TMEM267: variants seen among roughly 807,000 people sequenced by gnomAD.
TMEM267 encodes transmembrane protein C5orf28.
Under a neutral mutation model 19.3 loss-of-function variants are expected in TMEM267, and 20 were observed. The observed-to-expected ratio is 1.04, with a 90% CI of 0.73 to 1.51. The LOEUF (loss-of-function observed/expected upper bound fraction) is 1.51. TMEM267 is among the 40% of genes most tolerant of loss of function. The probability of loss-of-function intolerance (pLI) is 0.00; values close to 1 mark genes in which losing one functional copy is unlikely to be tolerated. For missense variants in TMEM267, 242 were observed against 261.9 expected (o/e 0.92, Z 0.52); for synonymous variants, 88 against 90.3 (o/e 0.97, Z 0.15).
chr5:43,464,362 T>G (rs893119692), intron 1 of TMEM267, among the ~76,000 whole-genome samples: 55 of 152,160 alleles, frequency 3.6e-4, no homozygotes, highest in Admixed American at 2.2e-3. Flanking sequence ...ATCAATATCG[T>G]GAAAATGGCC....
chr5:43,472,374 CA>C (rs747524330), intron 1 of TMEM267, among the ~76,000 whole-genome samples: 3 of 152,002 alleles, frequency 2.0e-5, no homozygotes, highest in African/African-American at 4.8e-5. Context: ...CTATGGAGAA[CA>C]ATTTGAACGT....
chr5:43,467,616 C>A (rs975706759), intron 1 of TMEM267, among the ~76,000 whole-genome samples: 3 of 152,134 alleles, frequency 2.0e-5, no homozygotes, highest in African/African-American at 7.2e-5. Flanking sequence ...GAGAGATAGG[C>A]CCCAATATAA....
At chr5:43,480,363 G>A (rs185325444) in intron 1 of TMEM267, among the ~76,000 whole-genome samples, 2 of 152,222 alleles carry the variant, frequency 1.3e-5, no homozygotes, top group Admixed American at 1.3e-4. Flanking sequence ...GCCCAGGCTG[G>A]AGTGCAGTGG....
intron 1 of TMEM267, among the ~76,000 whole-genome samples, chr5:43,465,712 C>A (rs1473184427): frequency 6.6e-6 from 1 of 152,014 alleles, no homozygotes; most frequent in Non-Finnish European, 1.5e-5. Flanking sequence ...GGACAAAAAA[C>A]CAAACACTGC....
chr5:43,474,817 G>A (rs1744316952), intron 1 of TMEM267, among the ~76,000 whole-genome samples: 2 of 151,254 alleles, frequency 1.3e-5, no homozygotes, highest in South Asian at 2.1e-4. Context: ...TTAGAGATAT[G>A]CAAATCAAAA....
intron 2 of TMEM267, among the ~76,000 whole-genome samples, 191 bp from the exon 3 acceptor site, chr5:43,446,748 T>C (rs1042440487): frequency 9.2e-5 from 14 of 152,084 alleles, no homozygotes; most frequent in African/African-American, 3.4e-4. Context: ...GAGCAGGATA[T>C]CCTTTACATT....
intron 2 of TMEM267, among the ~76,000 whole-genome samples, chr5:43,449,669 C>G (rs1016035477): frequency 5.3e-5 from 8 of 152,140 alleles, no homozygotes; most frequent in Admixed American, 5.2e-4. Flanking sequence ...AACAAAAGCA[C>G]TTTTATGTAC....
intron 1 of TMEM267, among the ~76,000 whole-genome samples, chr5:43,465,050 C>T (rs1743560885): frequency 6.6e-6 from 1 of 152,174 alleles, no homozygotes; most frequent in Admixed American, 6.5e-5. Flanking sequence ...TTTTTGCAAT[C>T]TACTCATCTG....
chr5:43,469,376 A>G (rs1266523201), intron 1 of TMEM267, among the ~76,000 whole-genome samples: 2 of 152,178 alleles, frequency 1.3e-5, no homozygotes, highest in African/African-American at 4.8e-5. Flanking sequence ...ATACTAGCAA[A>G]CTGAATTCAC....
Position 43,455,492 on chromosome 5 carries a change from C to T in TMEM267, c.-74-1449G>A, listed in dbSNP as rs1579793979. Among the ~76,000 whole-genome samples the T allele has an allele frequency of 2.0e-5, 3 of 151,462 alleles. No homozygotes were observed. In the East Asian group the frequency reaches 5.8e-4, roughly 29 times the overall value. On this transcript the variant is annotated intron_variant, in intron 1 of 2. Coordinates refer to ENST00000397080, the MANE Select transcript of TMEM267 (RefSeq NM_022483.5). ...ATGACAGACATACAGACTAACAAAA[C>T]AGAATACAGAGTGGGATCAGAAATA...
chr5:43,469,643 T>C (rs999343686), intron 1 of TMEM267, among the ~76,000 whole-genome samples: 1 of 152,182 alleles, frequency 6.6e-6, no homozygotes, highest in Non-Finnish European at 1.5e-5. Context: ...GACAGATCCA[T>C]AGCTAGTATC....
chr5:43,473,975 T>C (rs752355095), intron 1 of TMEM267, among the ~76,000 whole-genome samples: 1 of 152,082 alleles, frequency 6.6e-6, no homozygotes, highest in Non-Finnish European at 1.5e-5. Context: ...TCTACAACCA[T>C]CTGATCTTTG....
intron 1 of TMEM267, among the ~76,000 whole-genome samples, chr5:43,455,676 T>C (rs909493695): frequency 6.6e-5 from 10 of 152,104 alleles, no homozygotes; most frequent in Admixed American, 6.6e-4. Flanking sequence ...GCCTCTCAAG[T>C]AGCTGGGATT....
chr5:43,457,012 C>T (rs1010286241), intron 1 of TMEM267, among the ~76,000 whole-genome samples: 1 of 151,930 alleles, frequency 6.6e-6, no homozygotes, highest in African/African-American at 2.4e-5. Flanking sequence ...TGTGAATAAA[C>T]AAAAGGTGGA....
At chr5:43,484,287 CGTCGCATCTCTAAG>C (rs1744993813), upstream of TMEM267, 1 of 152,188 alleles carries the variant, frequency 6.6e-6, no homozygotes, top group Admixed American at 6.5e-5. Context: ...GAGCCTCGGC[CGTCGCATCTCTAAG>C]GTGCAGCGAT....
At chr5:43,455,784 C>T (rs1742912528) in intron 1 of TMEM267, among the ~76,000 whole-genome samples, 1 of 152,130 alleles carries the variant, frequency 6.6e-6, no homozygotes, top group Non-Finnish European at 1.5e-5. Flanking sequence ...AACTTCTGAC[C>T]TCAAGTGATC....
At chr5:43,475,568 T>A (rs758517025) in intron 1 of TMEM267, among the ~76,000 whole-genome samples, 2 of 152,148 alleles carry the variant, frequency 1.3e-5, no homozygotes, top group Non-Finnish European at 2.9e-5. Context: ...AACATCGTTT[T>A]GGCGGTTTTA....
chr5:43,461,925 C>T (rs1262307344), intron 1 of TMEM267, among the ~76,000 whole-genome samples: 1 of 152,150 alleles, frequency 6.6e-6, no homozygotes, highest in African/African-American at 2.4e-5. Context: ...TGTAGAGTCC[C>T]AGGGCCTACA....
chr5:43,472,861 C>T (rs916956618), intron 1 of TMEM267, among the ~76,000 whole-genome samples: 12 of 151,278 alleles, frequency 7.9e-5, no homozygotes, highest in East Asian at 1.9e-4. Flanking sequence ...AACAGAAGGC[C>T]GGGCACGGTG....
Sources: gnomAD v4.1 joint callset for allele counts (sites outside exome capture counted in the v4.1 genomes callset) on GRCh38, gnomAD v4.1.1 for gene constraint, MANE v1.5 for transcripts, NCBI Gene and HGNC (gene_info 2026-07-23, HGNC 2026-07-21) for gene names.